Variants in STK10 observed in about 807,000 individuals in gnomAD.
STK10 encodes the protein serine/threonine-protein kinase 10.
In STK10, 78 loss-of-function variants were observed where a neutral mutation model predicts 113.8. That is an observed-to-expected ratio of 0.69 (90% CI 0.57 to 0.83). The LOEUF is 0.83. Among genes scored for constraint, STK10 ranks in the 40% least tolerant of loss-of-function variants. The pLI, the probability that STK10 is intolerant of heterozygous loss-of-function variation, is 0.00. For synonymous variants in STK10, 465 were observed against 494.7 expected, an observed-to-expected ratio of 0.94 and a Z score of 0.80; for missense variants, 1,109 against 1,280.1, an observed-to-expected ratio of 0.87 and a Z score of 2.04.
intron 3 of STK10, among the ~76,000 whole-genome samples, chr5:172,124,410 A>C (rs1245278465): frequency 1.3e-5 from 2 of 152,118 alleles, no homozygotes; most frequent in African/African-American, 2.4e-5. Context: ...CCAGACTATC[A>C]CTTTTATACT....
At chr5:172,169,071 G>C (rs1336399304) in intron 1 of STK10, among the ~76,000 whole-genome samples, 2 of 152,006 alleles carry the variant, frequency 1.3e-5, no homozygotes, top group Non-Finnish European at 2.9e-5. Flanking sequence ...CTCCTCCACA[G>C]AGAACACCTC....
intron 7 of STK10, among the ~76,000 whole-genome samples, chr5:172,097,142 G>A (rs1431705537): frequency 6.6e-6 from 1 of 152,172 alleles, no homozygotes; most frequent in Admixed American, 6.5e-5. Context: ...AGGTTCAAGG[G>A]ATTCTCCTGC....
At position 172,076,937 on chromosome 5, in the gene STK10, C is replaced by T. The variant is rs371432955; in HGVS notation, c.1989+5389G>A. On this transcript the variant is annotated intron_variant, in intron 12 of 18. Coordinates refer to ENST00000176763, the MANE Select transcript of STK10 (RefSeq NM_005990.4). ...TAGTAAAGGATTTCTGCCAAAGGCACCAAAAACACGAAGAAACGTCACACC... is the reference window on the plus strand; with the variant it reads ...TAGTAAAGGATTTCTGCCAAAGGCATCAAAAACACGAAGAAACGTCACACC... 2.0e-5 allele frequency among the ~76,000 whole-genome samples: 3 copies of T among 152,274 alleles called. No individual in the cohort carries two copies. In the East Asian group the frequency reaches 5.8e-4, roughly 29 times the overall value.
chr5:172,054,424 G>T, intron 17 of STK10, 145 bp downstream of exon 17: 1 of 1,236,098 alleles, frequency 8.1e-7, no homozygotes, highest in African/African-American at 1.5e-5. Context: ...CCCTAGAGCA[G>T]CATGGCAGGG....
chr5:172,096,480 C>T lies in STK10; in HGVS notation c.951G>A (p.Glu317=). Residue 317 remains glutamate, a synonymous_variant, in exon 8 of 19, where the codon GAG becomes GAA. Transcript: ENST00000176763. The part of the protein sequence containing the change: ...VAEAKAEVME[E]IEDGRDEGEE... Reference sequence around the variant, plus strand: ...CCCCCTCATCCCGGCCGTCTTCGATCTCTTCCATCACCTCGGCCTTGGCCT... The same window carrying T: ...CCCCCTCATCCCGGCCGTCTTCGATTTCTTCCATCACCTCGGCCTTGGCCT... 2 of 1,613,800 alleles carry T rather than the reference C, an allele frequency of 1.2e-6. No individual in the cohort carries two copies. Among genetic ancestry groups the T allele is most frequent in the Non-Finnish European group, 1.7e-6 (2 of 1,180,044 alleles).
At chr5:172,126,580 A>T (rs1190626145) in intron 3 of STK10, among the ~76,000 whole-genome samples, 1 of 152,004 alleles carries the variant, frequency 6.6e-6, no homozygotes, top group South Asian at 2.1e-4. Flanking sequence ...AAATAAATAA[A>T]ATACTCTTCC....
intron 4 of STK10, among the ~76,000 whole-genome samples, chr5:172,115,755 AGAT>A (rs1211382399): frequency 2.0e-5 from 3 of 152,232 alleles, no homozygotes; most frequent in Non-Finnish European, 4.4e-5. Context: ...CCATCCTGCA[AGAT>A]GATATCAGTG....
At chr5:172,105,065 C>T (rs879653362) in intron 7 of STK10, among the ~76,000 whole-genome samples, 2 of 152,066 alleles carry the variant, frequency 1.3e-5, no homozygotes, top group Non-Finnish European at 2.9e-5. Flanking sequence ...ATGCTGAGGC[C>T]AGGTGTTCTC....
At chr5:172,054,722 A>G (rs1438814066) in intron 16 of STK10, 28 bp from the exon 17 acceptor site, 1 of 1,605,094 alleles carries the variant, frequency 6.2e-7, no homozygotes, top group South Asian at 1.1e-5. Flanking sequence ...TGGGTGCCTC[A>G]GGGGACCAGG....
At chr5:172,064,450 G>A in intron 13 of STK10, 1 of 532,288 alleles carries the variant, frequency 1.9e-6, no homozygotes, top group South Asian at 2.4e-5. Context: ...CCTAAAACAA[G>A]GTAGGAGGTG....
chr5:172,084,588 C>A (rs1481516527), intron 10 of STK10, among the ~76,000 whole-genome samples: 1 of 151,784 alleles, frequency 6.6e-6, no homozygotes, highest in East Asian at 1.9e-4. Context: ...AAGGATTAAA[C>A]CATAAAACAC....
rs1385176759 is a variant in STK10, at chr5:172,044,220, A to C, written c.*662T>G. 1.3e-5 allele frequency: 2 copies of C among 155,058 alleles called. No individual in the cohort carries two copies. The highest frequency in any genetic ancestry group is 2.9e-5 in the Non-Finnish European group (2 of 69,922). 9.6% of individuals were successfully genotyped at this position (155,058 alleles called of 1,614,324 possible). On this transcript the variant is annotated 3_prime_UTR_variant, in exon 19 of 19. Transcript: ENST00000176763. This position sits in a 1 kb window ranked among gnomAD's most constrained non-coding sequence, Gnocchi z 4.5. ...TGTGCATTCACACCCATGTGCAGGA[A>C]GGGGGACGCGAGATGGCATGAAACA...
chr5:172,143,269 G>A (rs1561823602), intron 2 of STK10, among the ~76,000 whole-genome samples: 1 of 152,200 alleles, frequency 6.6e-6, no homozygotes, highest in Non-Finnish European at 1.5e-5. Flanking sequence ...GGGAGGCTGA[G>A]GCAGGAGAAT....
At chr5:172,101,828 T>C (rs1265642102) in intron 7 of STK10, among the ~76,000 whole-genome samples, 1 of 152,176 alleles carries the variant, frequency 6.6e-6, no homozygotes, top group Non-Finnish European at 1.5e-5. Context: ...AGGAAGGCCA[T>C]TCCAGGCGGC....
chr5:172,067,132 T>C (rs560390936), intron 12 of STK10, among the ~76,000 whole-genome samples: 15 of 152,294 alleles, frequency 9.8e-5, no homozygotes, highest in African/African-American at 3.6e-4. Context: ...GTGGATCACC[T>C]GAGCTCAGGA....
intron 2 of STK10, among the ~76,000 whole-genome samples, chr5:172,152,526 G>A (rs1770258020): frequency 6.6e-6 from 1 of 152,192 alleles, no homozygotes; most frequent in African/African-American, 2.4e-5. Context: ...GTCATCTAGA[G>A]CTTCACTGTC....
chr5:172,119,163 G>T (rs1205732052), intron 3 of STK10, among the ~76,000 whole-genome samples: 1 of 151,966 alleles, frequency 6.6e-6, no homozygotes, highest in Non-Finnish European at 1.5e-5. Context: ...CTTCCCTGAG[G>T]TTCACAGGTT....
In STK10 at chr5:172,044,922, G is replaced by T. The variant is rs538956060; in HGVS notation, c.2867C>A (p.Ala956Asp). Residue 956 changes from alanine to aspartate, a missense_variant, in exon 19 of 19, where the codon GCC becomes GAC. Ala to Asp is a moderately radical substitution (Grantham distance 126, BLOSUM62 -2). This residue lies in a region of STK10 where 885 missense variants were observed against 991.1 expected (regional missense o/e 0.89). Coordinates refer to ENST00000176763, the MANE Select transcript of STK10 (RefSeq NM_005990.4). The surrounding 1 kb of genome is among the most constrained non-coding windows in gnomAD (Gnocchi z 4.5). ...AGAACTGTAGGGGAAGAACTTGGCG[G>T]CCTTGCTTGGGGTGGAGGGGTTTGG... The part of the protein sequence containing the change: ...ECPNPSTPSK[A>D]AKFFPYSSAD... The T allele has an allele frequency of 4.6e-4, 735 of 1,614,226 alleles. 6 individuals are homozygous for T. The South Asian group carries it at 7.7e-3, about 17-fold the overall frequency.
At position 172,093,389 on chromosome 5, in the gene STK10, C is replaced by A. The variant is rs754829321; in HGVS notation, c.1554+23G>T. ...TCCTGCAATGGTCTTGCTGCAAGCC[C>A]GTGGTGGCAGAGGCGGTGTTACCTT... is the stretch of plus-strand genomic sequence containing the variant. On this transcript the variant is annotated intron_variant, in intron 9 of 18. Transcript: ENST00000176763. The surrounding 1 kb of genome is among the most constrained non-coding windows in gnomAD (Gnocchi z 4.1). 1.3e-6 allele frequency: 2 copies of A among 1,565,424 alleles called. No individual in the cohort carries two copies. Among genetic ancestry groups the A allele is most frequent in the Non-Finnish European group, 1.7e-6 (2 of 1,150,630 alleles).
Sources: allele counts gnomAD v4.1 joint callset (sites outside exome capture counted in the v4.1 genomes callset), GRCh38; gene constraint gnomAD v4.1.1; regional missense constraint gnomAD v4.1.1; non-coding constraint Gnocchi (gnomAD v3.1); transcripts MANE v1.5; gene names NCBI Gene and HGNC (gene_info 2026-07-23, HGNC 2026-07-21).